Variants in IPO11 observed in about 807,000 individuals in gnomAD.
The protein encoded by IPO11 is importin-11.
A neutral mutation model predicts 143.2 loss-of-function variants in IPO11; 66 were observed. That is an observed-to-expected ratio of 0.46 (90% confidence interval 0.38 to 0.57). IPO11 has a LOEUF of 0.57. Among genes scored for constraint, IPO11 ranks in the 20% least tolerant of loss-of-function variants. The pLI is 0.00. For synonymous variants in IPO11, 385 were observed against 377.8 expected (o/e 1.02, Z -0.22); for missense variants, 1,026 against 1,141.0 (o/e 0.90, Z 1.45).
intron 9 of IPO11, among the ~76,000 whole-genome samples, chr5:62,481,560 G>A (rs966145277): frequency 5.3e-5 from 8 of 152,108 alleles, no homozygotes; most frequent in African/African-American, 1.9e-4. Context: ...GATGGATTAC[G>A]TTCATTGATT....
chr5:62,570,704 C>T (rs1274468596), intron 27 of IPO11, among the ~76,000 whole-genome samples: 1 of 152,162 alleles, frequency 6.6e-6, no homozygotes, highest in Admixed American at 6.5e-5. Flanking sequence ...CAATGCTTTC[C>T]TCATATCTAG....
At chr5:62,546,547 T>C (rs921630349) in intron 24 of IPO11, among the ~76,000 whole-genome samples, 1 of 152,052 alleles carries the variant, frequency 6.6e-6, no homozygotes, top group Non-Finnish European at 1.5e-5. Context: ...TGTATACATA[T>C]GTAACAAACC....
intron 3 of IPO11, chr5:62,443,317 G>A (rs1434403174): frequency 5.0e-6 from 2 of 396,932 alleles, no homozygotes; most frequent in Non-Finnish European, 4.4e-6. Context: ...TACTGAATAA[G>A]TGTTCTATTT....
Position 62,627,527 on chromosome 5 carries a change from A to G in IPO11, c.*209A>G. On this transcript the variant is annotated 3_prime_UTR_variant, in exon 30 of 30. Transcript: ENST00000325324. ...ATTCCTCAAAAGAATTTAATTTTATATTTATGAGGGGGCCCTTCACTAAAA... is the reference window on the plus strand; with the variant it reads ...ATTCCTCAAAAGAATTTAATTTTATGTTTATGAGGGGGCCCTTCACTAAAA... 1 of 430,712 alleles carries G rather than the reference A, an allele frequency of 2.3e-6. No individual in the cohort carries two copies. 26.7% of individuals were successfully genotyped at this position (430,712 alleles called of 1,614,324 possible).
chr5:62,597,794 A>G (rs1328337078), intron 28 of IPO11, among the ~76,000 whole-genome samples: 1 of 152,182 alleles, frequency 6.6e-6, no homozygotes, highest in Non-Finnish European at 1.5e-5. Context: ...ATTAATATTT[A>G]TATAAGTGAC....
intron 27 of IPO11, among the ~76,000 whole-genome samples, chr5:62,561,706 GT>G (rs1159531401): frequency 6.6e-6 from 1 of 151,876 alleles, no homozygotes; most frequent in East Asian, 1.9e-4. Flanking sequence ...TTTGCAAGTT[GT>G]TTTTTTTCTT....
chr5:62,550,329 T>C, intron 24 of IPO11, 38 bp from the exon 25 acceptor site: 1 of 1,434,760 alleles, frequency 7.0e-7, no homozygotes, highest in Non-Finnish European at 9.8e-7. Flanking sequence ...AAGCAATGAC[T>C]TGCAGTATTA....
chr5:62,549,925 A>G (rs560692746), intron 24 of IPO11, among the ~76,000 whole-genome samples: 2 of 152,352 alleles, frequency 1.3e-5, no homozygotes, highest in Non-Finnish European at 2.9e-5. Context: ...TTTATTGATT[A>G]ACTTAAATGT....
chr5:62,417,321 A>ATTTT lies in IPO11; in HGVS notation c.-7+4415_-7+4418dup, dbSNP rs34767317. On this transcript the variant is annotated intron_variant, in intron 1 of 29. Transcript: ENST00000325324. ...ATTTTCTTCACCTCCTTATTGGTTA[A>ATTTT]TTTTTTTTTTTTTTTTTTTTTTTTT... Among the ~76,000 whole-genome samples the ATTTT allele has an allele frequency of 1.9e-3, 126 of 65,338 alleles. 6 individuals carry two copies. Among genetic ancestry groups the ATTTT allele is most frequent in the African/African-American group, 7.3e-3 (115 of 15,720 alleles). 42.9% of individuals were successfully genotyped at this position (65,338 alleles called of 152,430 possible). A position where few individuals can be genotyped will look rare whatever the true frequency, so the allele number is the denominator to read the frequency against.
At chr5:62,452,723 G>GGGGTGTGT (rs1410575066) in intron 5 of IPO11, among the ~76,000 whole-genome samples, 10 of 135,334 alleles carry the variant, frequency 7.4e-5, no homozygotes, top group Admixed American at 2.2e-4. Flanking sequence ...TTTTTGGTGG[G>GGGGTGTGT]GTGTGTGTGT....
At chr5:62,505,170 T>C (rs1741513029) in intron 18 of IPO11, among the ~76,000 whole-genome samples, 2 of 152,268 alleles carry the variant, frequency 1.3e-5, no homozygotes, top group African/African-American at 4.8e-5. Context: ...TTTTCAAAAT[T>C]GAAAAACATC....
chr5:62,534,488 TA>T (rs1389637063), intron 22 of IPO11, among the ~76,000 whole-genome samples: 3 of 152,136 alleles, frequency 2.0e-5, no homozygotes, highest in African/African-American at 7.2e-5. Flanking sequence ...AAATTATAAA[TA>T]AAAGCAAATA....
At chr5:62,593,169 A>G (rs529575831) in intron 28 of IPO11, among the ~76,000 whole-genome samples, 1 of 70,900 alleles carries the variant, frequency 1.4e-5, no homozygotes, top group African/African-American at 9.8e-5. Flanking sequence ...TTTTGCTTTA[A>G]TAGTCAGGGA....
intron 26 of IPO11, among the ~76,000 whole-genome samples, chr5:62,553,101 C>T (rs1202662400): frequency 6.6e-6 from 1 of 152,126 alleles, no homozygotes; most frequent in Non-Finnish European, 1.5e-5. Context: ...ATATCTCTCT[C>T]TCTCCTCACT....
intron 1 of IPO11, among the ~76,000 whole-genome samples, chr5:62,431,170 G>C (rs1743973426): frequency 6.6e-6 from 1 of 151,940 alleles, no homozygotes. Flanking sequence ...AGTAGAGATG[G>C]GGTTTGCTGT....
intron 2 of IPO11, among the ~76,000 whole-genome samples, chr5:62,440,368 T>TTA (rs1353366205): frequency 2.7e-5 from 4 of 147,958 alleles, no homozygotes; most frequent in East Asian, 4.0e-4. Flanking sequence ...TTTTTTTTTT[T>TTA]ATCTGAGGTG....
intron 5 of IPO11, among the ~76,000 whole-genome samples, chr5:62,463,311 G>T (rs1561321090): frequency 1.3e-5 from 2 of 152,046 alleles, no homozygotes; most frequent in East Asian, 3.9e-4. Context: ...CTCCCAAAGT[G>T]CTAGGATTAC....
Position 62,419,255 on chromosome 5 carries a change from G to T in IPO11, c.-7+6326G>T, listed in dbSNP as rs945193515. Reference sequence around the variant, plus strand: ...ATGGAGCTTGGAGGACTGGAAATTGGTTTGGATGAATCAGTGAGTGAGTGG... The same window carrying T: ...ATGGAGCTTGGAGGACTGGAAATTGTTTTGGATGAATCAGTGAGTGAGTGG... On this transcript the variant is annotated intron_variant, in intron 1 of 29. Transcript: ENST00000325324. The T allele has an allele frequency of 3.9e-6, 4 of 1,029,454 alleles. No individual in the cohort carries two copies. In the African/African-American group the frequency reaches 4.8e-5, roughly 12 times the overall value. The allele number at this position is 1,029,454 out of a possible 1,614,324, so 63.8% of individuals were successfully genotyped here.
Position 62,439,284 on chromosome 5 carries a change from G to GTTTTTTTT in IPO11, c.138+1883_138+1890dup, listed in dbSNP as rs1226593063. Among the ~76,000 whole-genome samples the GTTTTTTTT allele has an allele frequency of 9.9e-5, 9 of 90,940 alleles. 1 individual carries two copies. The highest frequency in any genetic ancestry group is 2.2e-4 in the African/African-American group (5 of 22,566). 59.7% of individuals were successfully genotyped at this position (90,940 alleles called of 152,430 possible). A position where few individuals can be genotyped will look rare whatever the true frequency, so the allele number is the denominator to read the frequency against. ...CTTATTAATAATACTAACTGCGTAG[G>GTTTTTTTT]TTTTTTTTTTTTTTTTTTTTTTTGA... On this transcript the variant is annotated intron_variant, in intron 2 of 29. Transcript: ENST00000325324.
Sources: allele counts gnomAD v4.1 joint callset (sites outside exome capture counted in the v4.1 genomes callset), GRCh38; gene constraint gnomAD v4.1.1; transcripts MANE v1.5; gene names NCBI Gene and HGNC (gene_info 2026-07-23, HGNC 2026-07-21).